Variants in SH3BGRL2 observed in about 807,000 individuals in gnomAD.
SH3BGRL2 encodes the protein SH3 domain binding glutamate rich protein like 2.
In SH3BGRL2, 21 loss-of-function variants were observed where a neutral mutation model predicts 14.8. The observed-to-expected ratio is 1.42, with a 90% CI of 1.01 to 2.05. The LOEUF (loss-of-function observed/expected upper bound fraction) is 2.05, where lower values mean the gene tolerates loss of function less well. SH3BGRL2 is among the 30% of genes most tolerant of loss of function. The pLI is 0.00. For missense variants in SH3BGRL2, 147 were observed against 130.8 expected (o/e 1.12, Z -0.61); for synonymous variants, 50 against 47.8 (o/e 1.05, Z -0.19).
intron 1 of SH3BGRL2, among the ~76,000 whole-genome samples, chr6:79,654,582 T>C (rs1769367059): frequency 6.6e-6 from 1 of 152,208 alleles, no homozygotes; most frequent in Non-Finnish European, 1.5e-5. Flanking sequence ...AAGCCAAAGG[T>C]GAGCTGAATT....
At chr6:79,591,866 G>C in the SH3BGRL2 span, among the ~76,000 whole-genome samples, 2 of 152,156 alleles carry the variant, frequency 1.3e-5, no homozygotes, top group South Asian at 4.1e-4. Flanking sequence ...TAAATGCCCT[G>C]CTGATACCTG....
At chr6:79,646,120 TC>T (rs1297339358) in intron 1 of SH3BGRL2, among the ~76,000 whole-genome samples, 2 of 152,224 alleles carry the variant, frequency 1.3e-5, no homozygotes, top group African/African-American at 4.8e-5. Flanking sequence ...GTAGCACCCT[TC>T]CTCCTGGTTG....
chr6:79,578,812 G>A, the SH3BGRL2 span, among the ~76,000 whole-genome samples: 1 of 152,140 alleles, frequency 6.6e-6, no homozygotes. Context: ...TTACAAGTAG[G>A]CAGAAGTAGA....
rs529542909 is a variant in SH3BGRL2 at position 79,643,128 on chromosome 6, G to A, written c.45+11622G>A. On this transcript the variant is annotated intron_variant, in intron 1 of 3. Coordinates refer to ENST00000369838, the MANE Select transcript of SH3BGRL2 (RefSeq NM_031469.4). ...TTTATGTCATTTCATCTTTACAATTGTCCTACAAACTATGATTTCTTATAC... is the reference window on the plus strand; with the variant it reads ...TTTATGTCATTTCATCTTTACAATTATCCTACAAACTATGATTTCTTATAC... Among the ~76,000 whole-genome samples, 10 of 152,242 alleles carry A rather than the reference G, an allele frequency of 6.6e-5. 1 individual carries two copies. The South Asian group carries it at 1.5e-3, about 22-fold the overall frequency.
At chr6:79,663,542 G>C (rs191146449) in intron 1 of SH3BGRL2, among the ~76,000 whole-genome samples, 1 of 152,042 alleles carries the variant, frequency 6.6e-6, no homozygotes, top group South Asian at 2.1e-4. Flanking sequence ...TGGAAGCGTC[G>C]TCCCAGAGGG....
At chr6:79,568,849 T>A in the SH3BGRL2 span, among the ~76,000 whole-genome samples, 2 of 152,216 alleles carry the variant, frequency 1.3e-5, no homozygotes, top group Non-Finnish European at 2.9e-5. Context: ...ATATTGTACA[T>A]ACTTATTTTA....
the SH3BGRL2 span, among the ~76,000 whole-genome samples, chr6:79,556,765 A>G: frequency 6.6e-6 from 1 of 151,978 alleles, no homozygotes; most frequent in Non-Finnish European, 1.5e-5. Flanking sequence ...TAAATATGCT[A>G]TGGTACATGG....
the SH3BGRL2 span, among the ~76,000 whole-genome samples, chr6:79,550,443 G>A: frequency 3.8e-4 from 58 of 152,278 alleles, no homozygotes; most frequent in South Asian, 7.5e-3. Flanking sequence ...AGATATATCT[G>A]TATAATGAGA....
At chr6:79,631,988 A>G (rs1328213661) in intron 1 of SH3BGRL2, among the ~76,000 whole-genome samples, 2 of 152,310 alleles carry the variant, frequency 1.3e-5, no homozygotes, top group East Asian at 3.9e-4. Flanking sequence ...CCCCGCCAGC[A>G]AGTGCATTTG....
chr6:79,584,660 AC>A, the SH3BGRL2 span, among the ~76,000 whole-genome samples: 1,664 of 152,310 alleles, frequency 0.011, 13 homozygotes, highest in Non-Finnish European at 0.017. Context: ...ATAGAGGGGA[AC>A]ATATGATAAT....
chr6:79,631,625 G>C (rs1768827413), intron 1 of SH3BGRL2, 119 bp downstream of exon 1: 8 of 684,756 alleles, frequency 1.2e-5, no homozygotes, highest in East Asian at 4.4e-5. Flanking sequence ...GGGAGCCCGC[G>C]CCCGGCAGGT....
the SH3BGRL2 span, chr6:79,561,185 T>C: frequency 6.6e-6 from 1 of 151,848 alleles, no homozygotes. Flanking sequence ...CGGCCAACAA[T>C]ACATTCTTTA....
chr6:79,632,855 G>T (rs1208091798), intron 1 of SH3BGRL2, among the ~76,000 whole-genome samples: 2 of 152,290 alleles, frequency 1.3e-5, no homozygotes, highest in East Asian at 1.9e-4. Context: ...GGGTAGATTT[G>T]TTCAAATGCA....
the SH3BGRL2 span, among the ~76,000 whole-genome samples, chr6:79,617,388 T>G: frequency 6.6e-6 from 1 of 152,168 alleles, no homozygotes; most frequent in African/African-American, 2.4e-5. Context: ...TATGGACATT[T>G]TCTTACATAA....
chr6:79,604,453 T>A, the SH3BGRL2 span, among the ~76,000 whole-genome samples: 1 of 152,180 alleles, frequency 6.6e-6, no homozygotes, highest in Non-Finnish European at 1.5e-5. Flanking sequence ...TGAGAAAGCA[T>A]GTTGGAGAAT....
chr6:79,650,043 T>A (rs1429512976), intron 1 of SH3BGRL2, among the ~76,000 whole-genome samples: 2 of 151,422 alleles, frequency 1.3e-5, no homozygotes, highest in Admixed American at 6.6e-5. Flanking sequence ...CTTTGTTAAT[T>A]TCTTCACTTT....
the SH3BGRL2 span, among the ~76,000 whole-genome samples, chr6:79,579,013 T>G: frequency 2.0e-5 from 3 of 152,108 alleles, no homozygotes; most frequent in Non-Finnish European, 4.4e-5. Context: ...ATGCATAAGC[T>G]TCAATAGCTG....
the SH3BGRL2 span, chr6:79,574,730 T>C: frequency 6.6e-6 from 1 of 152,196 alleles, no homozygotes; most frequent in Admixed American, 6.6e-5. Flanking sequence ...GATCACTTAG[T>C]GATGTAACAA....
the SH3BGRL2 span, among the ~76,000 whole-genome samples, chr6:79,541,193 C>T: frequency 2.6e-5 from 4 of 152,100 alleles, no homozygotes; most frequent in East Asian, 7.7e-4. Context: ...GCAAAGGTTG[C>T]AGTGAGCTGA....
Sources: gnomAD v4.1 joint callset for allele counts (sites outside exome capture counted in the v4.1 genomes callset) on GRCh38, gnomAD v4.1.1 for gene constraint, MANE v1.5 for transcripts, NCBI Gene and HGNC (gene_info 2026-07-23, HGNC 2026-07-21) for gene names.